FRMD4A: variants seen among roughly 807,000 people sequenced by gnomAD.
FRMD4A encodes the protein FERM domain containing 4A.
In FRMD4A, 29 loss-of-function variants were observed where a neutral mutation model predicts 129.1. The ratio of observed to expected loss-of-function variants is 0.22; its 90% confidence interval spans 0.17 to 0.31. The LOEUF is 0.31. Among genes scored for constraint, FRMD4A ranks in the 10% least tolerant of loss-of-function variants. The probability of loss-of-function intolerance (pLI) is 1.00; values close to 1 mark genes in which losing one functional copy is unlikely to be tolerated. For synonymous variants in FRMD4A, 634 were observed against 571.6 expected, an observed-to-expected ratio of 1.11 and a Z score of -1.56; for missense variants, 1,272 against 1,375.8, an observed-to-expected ratio of 0.92 and a Z score of 1.19.
chr10:13,771,957 A>G (rs2092467018), intron 6 of FRMD4A, among the ~76,000 whole-genome samples: 1 of 150,858 alleles, frequency 6.6e-6, no homozygotes, highest in African/African-American at 2.4e-5. Flanking sequence ...ACACACAAAA[A>G]AAACAAATTA....
chr10:13,773,997 C>T (rs1310942257), intron 6 of FRMD4A, among the ~76,000 whole-genome samples: 1 of 152,188 alleles, frequency 6.6e-6, no homozygotes, highest in Non-Finnish European at 1.5e-5. Flanking sequence ...TGAGAGTTTC[C>T]CATGGGACGG....
chr10:13,740,973 C>T (rs1282044568), intron 9 of FRMD4A, among the ~76,000 whole-genome samples: 3 of 151,924 alleles, frequency 2.0e-5, no homozygotes, highest in African/African-American at 4.8e-5. Flanking sequence ...ACTACAGGTG[C>T]GTGCCACCAC....
intron 2 of FRMD4A, among the ~76,000 whole-genome samples, chr10:14,236,188 C>T (rs1286164650): frequency 4.6e-5 from 7 of 152,204 alleles, no homozygotes; most frequent in African/African-American, 1.7e-4. Flanking sequence ...TTTCCTTAGT[C>T]CCATTTCATT....
intron 2 of FRMD4A, among the ~76,000 whole-genome samples, chr10:13,889,248 C>G (rs764450608): frequency 1.3e-5 from 2 of 152,206 alleles, no homozygotes; most frequent in Non-Finnish European, 2.9e-5. Flanking sequence ...CATCACAAAC[C>G]AATCTCACTT....
chr10:14,154,476 C>T (rs1840500888), intron 2 of FRMD4A, among the ~76,000 whole-genome samples: 1 of 152,164 alleles, frequency 6.6e-6, no homozygotes, highest in Non-Finnish European at 1.5e-5. Context: ...CCAGTGCTGG[C>T]TTAACTTATT....
chr10:14,014,427 G>A, intron 2 of FRMD4A, among the ~76,000 whole-genome samples: 1 of 152,058 alleles, frequency 6.6e-6, no homozygotes, highest in South Asian at 2.1e-4. Flanking sequence ...TAAAAGACTT[G>A]GAAAATTCCT....
At chr10:13,761,775 T>C in intron 7 of FRMD4A, 106 bp from the exon 8 acceptor site, 1 of 739,308 alleles carries the variant, frequency 1.4e-6, no homozygotes, top group African/African-American at 1.8e-5. Flanking sequence ...TGAGATGAGT[T>C]CAGCTTCCTG....
intron 12 of FRMD4A, among the ~76,000 whole-genome samples, chr10:13,708,438 C>T (rs749367953): frequency 6.6e-6 from 1 of 152,218 alleles, no homozygotes; most frequent in Non-Finnish European, 1.5e-5. Flanking sequence ...ACAATCTGCT[C>T]TCTGGAATTT....
chr10:14,203,726 T>C (rs1259815555), intron 2 of FRMD4A, among the ~76,000 whole-genome samples: 2 of 152,234 alleles, frequency 1.3e-5, no homozygotes, highest in Admixed American at 1.3e-4. Context: ...CTTTCTCCCA[T>C]GTCTGCATCT....
chr10:13,999,624 T>C (rs1170879467), intron 2 of FRMD4A, among the ~76,000 whole-genome samples: 1 of 152,250 alleles, frequency 6.6e-6, no homozygotes, highest in African/African-American at 2.4e-5. Flanking sequence ...ATAGCGTTTT[T>C]GAGAAAAGTT....
intron 5 of FRMD4A, among the ~76,000 whole-genome samples, chr10:13,795,426 C>G (rs116674891): frequency 1.3e-5 from 2 of 152,184 alleles, no homozygotes; most frequent in Non-Finnish European, 2.9e-5. Context: ...GTCATACACT[C>G]GAGCCTGTTA....
chr10:14,218,380 A>G (rs1843139321), intron 2 of FRMD4A, among the ~76,000 whole-genome samples: 1 of 152,232 alleles, frequency 6.6e-6, no homozygotes, highest in Admixed American at 6.5e-5. Context: ...AGAACTCAAA[A>G]CAGCTGAGGT....
intron 2 of FRMD4A, among the ~76,000 whole-genome samples, chr10:13,950,359 A>G (rs965796454): frequency 6.6e-6 from 1 of 152,210 alleles, no homozygotes; most frequent in African/African-American, 2.4e-5. Context: ...ATCTTCACAG[A>G]TTTCATTTCT....
intron 2 of FRMD4A, among the ~76,000 whole-genome samples, chr10:14,229,087 G>GT (rs557316285): frequency 0.015 from 2,133 of 146,290 alleles, 28 homozygotes; most frequent in Middle Eastern, 0.028. Flanking sequence ...GTTTTTTCTT[G>GT]TTTTTTTTTT....
chr10:13,904,336 C>A (rs561075622), intron 2 of FRMD4A, among the ~76,000 whole-genome samples: 16 of 152,214 alleles, frequency 1.1e-4, no homozygotes, highest in Non-Finnish European at 1.9e-4. Flanking sequence ...CCCGTCCTCC[C>A]TGACACCTGG....
chr10:13,708,526 C>G (rs913569300), intron 12 of FRMD4A, among the ~76,000 whole-genome samples: 1 of 152,158 alleles, frequency 6.6e-6, no homozygotes, highest in African/African-American at 2.4e-5. Context: ...CTCTTTTGTC[C>G]CCGGCTCAGA....
intron 13 of FRMD4A, 34 bp from the exon 14 acceptor site, chr10:13,701,512 T>C (rs1445314929): frequency 3.8e-6 from 6 of 1,597,310 alleles, no homozygotes; most frequent in Non-Finnish European, 5.1e-6. Flanking sequence ...TTCAATCCCA[T>C]TTCTGTTGAG....
intron 2 of FRMD4A, among the ~76,000 whole-genome samples, chr10:14,000,452 G>A (rs1454092601): frequency 6.6e-6 from 1 of 151,808 alleles, no homozygotes; most frequent in African/African-American, 2.4e-5. Flanking sequence ...TTCAAGACCA[G>A]CCTGGCCAAC....
At chr10:13,745,894 T>C (rs117924553) in intron 9 of FRMD4A, among the ~76,000 whole-genome samples, 2,079 of 151,544 alleles carry the variant, frequency 0.014, 82 homozygotes, top group South Asian at 0.12. Flanking sequence ...ATTAGGGAGG[T>C]GGGTAATAGG....
Sources: allele counts gnomAD v4.1 joint callset (sites outside exome capture counted in the v4.1 genomes callset), GRCh38; gene constraint gnomAD v4.1.1; transcripts MANE v1.5; gene names NCBI Gene and HGNC (gene_info 2026-07-23, HGNC 2026-07-21).